Variants in EPHA6 observed in about 807,000 individuals in gnomAD.
EPHA6 encodes ephrin type-A receptor 6.
A neutral mutation model predicts 112.0 loss-of-function variants in EPHA6; 50 were observed. The ratio of observed to expected loss-of-function variants is 0.45; its 90% CI spans 0.36 to 0.56. The LOEUF is 0.56. Ranked by LOEUF, EPHA6 falls within the 20% of genes least tolerant of loss-of-function variation. The pLI, the probability that EPHA6 is intolerant of heterozygous loss-of-function variation, is 0.00. For synonymous variants in EPHA6, 529 were observed against 490.7 expected, an observed-to-expected ratio of 1.08 and a Z score of -1.03; for missense variants, 1,280 against 1,417.4, an observed-to-expected ratio of 0.90 and a Z score of 1.56.
At chr3:97,248,220 C>A (rs895625507) in intron 5 of EPHA6, among the ~76,000 whole-genome samples, 6 of 152,006 alleles carry the variant, frequency 3.9e-5, no homozygotes, top group African/African-American at 1.4e-4. Context: ...CATAAGGAAT[C>A]TTTGCAATAA....
intron 3 of EPHA6, among the ~76,000 whole-genome samples, chr3:97,117,978 A>G (rs1332747888): frequency 1.3e-5 from 2 of 151,838 alleles, no homozygotes; most frequent in Non-Finnish European, 2.9e-5. Flanking sequence ...TAGTGCAATG[A>G]ATATCTCTTT....
At chr3:96,924,523 A>G (rs1226100522) in intron 2 of EPHA6, among the ~76,000 whole-genome samples, 1 of 152,196 alleles carries the variant, frequency 6.6e-6, no homozygotes, top group African/African-American at 2.4e-5. Context: ...GAAGTTGCTT[A>G]TCAGCTTAAG....
chr3:97,570,350 G>A (rs2093320330), intron 11 of EPHA6, among the ~76,000 whole-genome samples: 1 of 152,128 alleles, frequency 6.6e-6, no homozygotes, highest in Non-Finnish European at 1.5e-5. Context: ...TAAGGGCAGA[G>A]GCATTCCTGT....
intron 3 of EPHA6, among the ~76,000 whole-genome samples, chr3:97,007,431 C>CT (rs61260971): frequency 0.97 from 142,471 of 146,450 alleles, 69,323 homozygotes; most frequent in South Asian, 1. Flanking sequence ...GCGGTCCCTG[C>CT]TTTTTTTTTT....
intron 11 of EPHA6, among the ~76,000 whole-genome samples, chr3:97,539,018 T>G (rs866164519): frequency 2.7e-5 from 4 of 149,778 alleles, no homozygotes; most frequent in African/African-American, 5.0e-5. Context: ...TTTCTTTCTT[T>G]CTTTCTTTCT....
At chr3:96,932,252 C>A (rs1482822988) in intron 2 of EPHA6, among the ~76,000 whole-genome samples, 1 of 152,190 alleles carries the variant, frequency 6.6e-6, no homozygotes, top group African/African-American at 2.4e-5. Flanking sequence ...TCACCCCTTT[C>A]ATTCCTCTAT....
intron 11 of EPHA6, among the ~76,000 whole-genome samples, chr3:97,541,808 T>G (rs2092858711): frequency 6.6e-6 from 1 of 151,668 alleles, no homozygotes; most frequent in Non-Finnish European, 1.5e-5. Flanking sequence ...AACTTTTATG[T>G]TAGATTCAGA....
intron 5 of EPHA6, among the ~76,000 whole-genome samples, chr3:97,285,064 T>C (rs1438182597): frequency 6.6e-6 from 1 of 152,130 alleles, no homozygotes; most frequent in Non-Finnish European, 1.5e-5. Context: ...CGCCATCTGA[T>C]AAACTTCTGC....
intron 3 of EPHA6, 146 bp downstream of exon 3, chr3:96,988,139 A>G (rs2043087684): frequency 2.1e-6 from 1 of 485,532 alleles, no homozygotes; most frequent in Non-Finnish European, 3.4e-6. Context: ...ATCAGATCAA[A>G]GTAGTTAATA....
At chr3:96,883,818 C>T (rs2037464368) in intron 2 of EPHA6, among the ~76,000 whole-genome samples, 1 of 152,106 alleles carries the variant, frequency 6.6e-6, no homozygotes, top group African/African-American at 2.4e-5. Context: ...CAGGTACCCG[C>T]CACCACACCT....
chr3:97,246,797 A>G (rs928327142), intron 5 of EPHA6, among the ~76,000 whole-genome samples: 3 of 151,920 alleles, frequency 2.0e-5, no homozygotes, highest in Non-Finnish European at 2.9e-5. Flanking sequence ...GATACCAAGA[A>G]GACCCCCTCT....
At chr3:97,245,562 A>G (rs1441213798) in intron 5 of EPHA6, among the ~76,000 whole-genome samples, 1 of 151,990 alleles carries the variant, frequency 6.6e-6, no homozygotes, top group African/African-American at 2.4e-5. Context: ...TGTTGTGATA[A>G]TACTCAGCAA....
chr3:97,750,694 A>G lies in EPHA6; in HGVS notation c.*1993A>G, dbSNP rs1039212629. ...TTTAGATTTTGTTGATCGTCCCATT[A>G]TACTAGACCCTTCTACATATTTTCT... On this transcript the variant is annotated 3_prime_UTR_variant, in exon 18 of 18. Transcript: ENST00000389672. 1.3e-5 allele frequency among the ~76,000 whole-genome samples: 2 copies of G among 152,080 alleles called. No homozygotes were observed. The highest frequency in any genetic ancestry group is 2.9e-5 in the Non-Finnish European group (2 of 67,994).
At chr3:96,993,858 G>A (rs2043307004) in intron 3 of EPHA6, among the ~76,000 whole-genome samples, 1 of 152,146 alleles carries the variant, frequency 6.6e-6, no homozygotes, top group Non-Finnish European at 1.5e-5. Flanking sequence ...TAATTTGCTT[G>A]AATGAATTTG....
chr3:97,511,111 G>T (rs539541854), intron 10 of EPHA6, among the ~76,000 whole-genome samples: 1 of 152,282 alleles, frequency 6.6e-6, no homozygotes, highest in South Asian at 2.1e-4. Flanking sequence ...AGCTTTCTGG[G>T]CTCTTTGCGG....
chr3:97,735,499 T>C (rs1469790685), intron 15 of EPHA6, among the ~76,000 whole-genome samples: 2 of 152,164 alleles, frequency 1.3e-5, no homozygotes, highest in Non-Finnish European at 2.9e-5. Flanking sequence ...GGATAAAAAA[T>C]GACTCAAGAA....
chr3:97,179,865 C>G (rs1166281980), intron 3 of EPHA6, among the ~76,000 whole-genome samples: 1 of 151,916 alleles, frequency 6.6e-6, no homozygotes, highest in Non-Finnish European at 1.5e-5. Flanking sequence ...CACTAGGTCT[C>G]ACACAAGGCG....
chr3:97,393,367 T>C (rs1003295537), intron 5 of EPHA6, among the ~76,000 whole-genome samples: 3 of 151,832 alleles, frequency 2.0e-5, no homozygotes, highest in Non-Finnish European at 4.4e-5. Context: ...TAGATGTGTA[T>C]GGTGTAAATT....
intron 7 of EPHA6, among the ~76,000 whole-genome samples, chr3:97,458,104 T>C (rs984402704): frequency 4.2e-5 from 6 of 144,510 alleles, no homozygotes; most frequent in African/African-American, 1.3e-4. Flanking sequence ...GCAGCTTAAG[T>C]ATTCATGTTA....
Sources: gnomAD v4.1 joint callset for allele counts (sites outside exome capture counted in the v4.1 genomes callset) on GRCh38, gnomAD v4.1.1 for gene constraint, MANE v1.5 for transcripts, NCBI Gene and HGNC (gene_info 2026-07-23, HGNC 2026-07-21) for gene names.